Variants in MBNL2 observed in about 807,000 individuals in gnomAD.
MBNL2 encodes muscleblind like splicing regulator 2.
Under a neutral mutation model 41.9 loss-of-function variants are expected in MBNL2, and 17 were observed. The observed-to-expected ratio is 0.41, with a 90% CI of 0.28 to 0.61. The LOEUF (loss-of-function observed/expected upper bound fraction) is 0.61. Among genes scored for constraint, MBNL2 ranks in the 20% least tolerant of loss-of-function variants. The pLI is 0.35. For missense variants in MBNL2, 336 were observed against 505.6 expected, an observed-to-expected ratio of 0.66 and a Z score of 3.22; for synonymous variants, 195 against 182.9, an observed-to-expected ratio of 1.07 and a Z score of -0.53.
intron 8 of MBNL2, among the ~76,000 whole-genome samples, chr13:97,384,296 T>C (rs2065749717): frequency 1.3e-5 from 2 of 152,250 alleles, no homozygotes; most frequent in Admixed American, 1.3e-4. Flanking sequence ...TTAATTACTT[T>C]TTTATCTGAT....
intron 1 of MBNL2, among the ~76,000 whole-genome samples, chr13:97,232,709 G>A (rs2042547423): frequency 1.3e-5 from 2 of 152,106 alleles, no homozygotes; most frequent in Admixed American, 1.3e-4. Flanking sequence ...AGCAATTACT[G>A]GCATACTGTG....
At chr13:97,296,479 T>TC (rs2057032588) in intron 2 of MBNL2, among the ~76,000 whole-genome samples, 1 of 152,078 alleles carries the variant, frequency 6.6e-6, no homozygotes, top group South Asian at 2.1e-4. Context: ...AAACTGTTTT[T>TC]CCCCCCAGAG....
chr13:97,191,231 G>A, the MBNL2 span, among the ~76,000 whole-genome samples: 60 of 151,582 alleles, frequency 4.0e-4, no homozygotes, highest in Non-Finnish European at 6.5e-4. Flanking sequence ...ACCAGACTGC[G>A]CCCTGGGAAG....
At chr13:97,356,616 T>C (rs2063011023) in intron 5 of MBNL2, among the ~76,000 whole-genome samples, 180 bp from the exon 6 acceptor site, 1 of 152,236 alleles carries the variant, frequency 6.6e-6, no homozygotes, top group African/African-American at 2.4e-5. Context: ...TTTTTGTTGT[T>C]GTGCATGCCT....
the MBNL2 span, among the ~76,000 whole-genome samples, chr13:97,150,151 G>A: frequency 6.6e-6 from 1 of 152,166 alleles, no homozygotes; most frequent in African/African-American, 2.4e-5. Context: ...TGGGTGCACA[G>A]AACACAGAAT....
At chr13:97,197,176 G>A in the MBNL2 span, among the ~76,000 whole-genome samples, 1 of 152,056 alleles carries the variant, frequency 6.6e-6, no homozygotes, top group Non-Finnish European at 1.5e-5. Flanking sequence ...AGTAACAAAT[G>A]CACTTTATTT....
At chr13:97,307,876 T>C (rs1157882260) in intron 2 of MBNL2, among the ~76,000 whole-genome samples, 1 of 152,202 alleles carries the variant, frequency 6.6e-6, no homozygotes, top group Non-Finnish European at 1.5e-5. Context: ...CTGCTCCCTC[T>C]TCAAAATGTC....
the MBNL2 span, among the ~76,000 whole-genome samples, chr13:97,175,525 G>C: frequency 1.3e-5 from 2 of 152,184 alleles, no homozygotes; most frequent in African/African-American, 4.8e-5. Context: ...GAATGAGATG[G>C]TGGCCAAATT....
chr13:97,291,725 T>G (rs1389368462), intron 2 of MBNL2, among the ~76,000 whole-genome samples: 1 of 146,796 alleles, frequency 6.8e-6, no homozygotes, highest in Non-Finnish European at 1.5e-5. Context: ...TGAAAACCCT[T>G]CTCTGCTAAA....
intron 8 of MBNL2, among the ~76,000 whole-genome samples, chr13:97,384,585 G>A (rs1256816563): frequency 6.6e-6 from 1 of 152,180 alleles, no homozygotes; most frequent in Non-Finnish European, 1.5e-5. Flanking sequence ...TGCTAACAGA[G>A]AGTGGGAAGA....
chr13:97,325,933 G>A (rs1256311369), intron 2 of MBNL2, among the ~76,000 whole-genome samples: 1 of 152,038 alleles, frequency 6.6e-6, no homozygotes, highest in Non-Finnish European at 1.5e-5. Context: ...TAAGGAATGA[G>A]TCACAAATCT....
intron 1 of MBNL2, among the ~76,000 whole-genome samples, chr13:97,262,354 C>T (rs2152882720): frequency 6.6e-6 from 1 of 152,340 alleles, no homozygotes; most frequent in East Asian, 1.9e-4. Context: ...GCCTTGATCT[C>T]TCCGTGGCAG....
At chr13:97,195,140 A>G in the MBNL2 span, among the ~76,000 whole-genome samples, 1 of 152,270 alleles carries the variant, frequency 6.6e-6, no homozygotes, top group East Asian at 1.9e-4. Flanking sequence ...CTTTCTGGTA[A>G]CACAAATGCA....
At chr13:97,232,430 A>C (rs1189881871) in intron 1 of MBNL2, among the ~76,000 whole-genome samples, 4 of 152,240 alleles carry the variant, frequency 2.6e-5, no homozygotes, top group African/African-American at 9.6e-5. Context: ...TTGAGCACTT[A>C]CTATATGGAA....
intron 2 of MBNL2, among the ~76,000 whole-genome samples, chr13:97,286,491 C>G (rs1271433010): frequency 6.6e-6 from 1 of 152,226 alleles, no homozygotes; most frequent in Non-Finnish European, 1.5e-5. Flanking sequence ...CCTACTAGCT[C>G]TCATTTCTGT....
At chr13:97,378,398 GTTTAAC>G (rs1594290472) in intron 8 of MBNL2, among the ~76,000 whole-genome samples, 1 of 152,290 alleles carries the variant, frequency 6.6e-6, no homozygotes, top group Non-Finnish European at 1.5e-5. Flanking sequence ...TTTGAACCAA[GTTTAAC>G]TTTAAAGAGT....
the MBNL2 span, among the ~76,000 whole-genome samples, chr13:97,152,892 T>A: frequency 1.3e-5 from 2 of 151,998 alleles, no homozygotes; most frequent in Admixed American, 6.6e-5. Context: ...CCCAGGATGC[T>A]GGCAAAGAGA....
At chr13:97,169,575 G>A in the MBNL2 span, among the ~76,000 whole-genome samples, 2 of 152,308 alleles carry the variant, frequency 1.3e-5, no homozygotes, top group South Asian at 4.1e-4. Flanking sequence ...TATTCTGAAA[G>A]CGTTTTGTGT....
chr13:97,150,603 A>G, the MBNL2 span, among the ~76,000 whole-genome samples: 2 of 152,226 alleles, frequency 1.3e-5, no homozygotes, highest in African/African-American at 4.8e-5. Flanking sequence ...TTTTCACTCA[A>G]TGCGGTTCTC....
Sources: allele counts gnomAD v4.1 joint callset (sites outside exome capture counted in the v4.1 genomes callset), GRCh38; gene constraint gnomAD v4.1.1; transcripts MANE v1.5; gene names NCBI Gene and HGNC (gene_info 2026-07-23, HGNC 2026-07-21).